The following MAF variants were observed in gnomAD, a reference collection of about 807,000 sequenced individuals.
MAF encodes the protein MAF bZIP transcription factor.
Under a neutral mutation model 22.0 loss-of-function variants are expected in MAF, and 10 were observed. That is an observed-to-expected ratio of 0.45 (90% CI 0.28 to 0.77). The LOEUF (loss-of-function observed/expected upper bound fraction) is 0.77, where lower values mean the gene tolerates loss of function less well. Ranked by LOEUF, MAF falls within the 30% of genes least tolerant of loss-of-function variation. The pLI, the probability that MAF is intolerant of heterozygous loss-of-function variation, is 0.12. For synonymous variants in MAF, 337 were observed against 255.8 expected, an observed-to-expected ratio of 1.32 and a Z score of -3.03; for missense variants, 544 against 548.4, an observed-to-expected ratio of 0.99 and a Z score of 0.08.
the MAF span, among the ~76,000 whole-genome samples, chr16:79,482,320 G>C: frequency 6.6e-6 from 1 of 152,090 alleles, no homozygotes; most frequent in South Asian, 2.1e-4. Context: ...GAAGTGTGGA[G>C]AGCAAAGCTT....
At chr16:79,409,982 G>C in the MAF span, among the ~76,000 whole-genome samples, 20 of 152,178 alleles carry the variant, frequency 1.3e-4, no homozygotes, top group African/African-American at 4.8e-4. Context: ...CTCTATATTT[G>C]AGTCCTTGTG....
At chr16:79,252,956 C>T in the MAF span, among the ~76,000 whole-genome samples, 17 of 152,154 alleles carry the variant, frequency 1.1e-4, no homozygotes, top group East Asian at 1.9e-4. Flanking sequence ...TTTCTGTGAA[C>T]GTAAAACTGC....
chr16:79,228,592 C>G, the MAF span, among the ~76,000 whole-genome samples: 1 of 152,076 alleles, frequency 6.6e-6, no homozygotes, highest in African/African-American at 2.4e-5. Flanking sequence ...CTCACTGGCT[C>G]ATGCCCTTTT....
the MAF span, among the ~76,000 whole-genome samples, chr16:79,343,720 C>G: frequency 6.6e-6 from 1 of 152,128 alleles, no homozygotes; most frequent in Non-Finnish European, 1.5e-5. Context: ...TTATGTCTCT[C>G]TTTGGATTAT....
chr16:79,358,962 C>A, the MAF span, among the ~76,000 whole-genome samples: 2 of 152,128 alleles, frequency 1.3e-5, no homozygotes, highest in East Asian at 1.9e-4. Context: ...CTTGGGAAGG[C>A]CACAGATTTA....
the MAF span, among the ~76,000 whole-genome samples, chr16:79,208,318 C>T: frequency 6.6e-6 from 1 of 152,102 alleles, no homozygotes; most frequent in Non-Finnish European, 1.5e-5. Context: ...ATAGACACCT[C>T]CCCCGTTTCC....
the MAF span, among the ~76,000 whole-genome samples, chr16:79,544,541 G>A: frequency 5.9e-5 from 9 of 152,080 alleles, no homozygotes; most frequent in East Asian, 5.8e-4. Flanking sequence ...TTGAGAGACC[G>A]AGTTGGGTGG....
chr16:79,293,818 T>C, the MAF span, among the ~76,000 whole-genome samples: 1 of 150,270 alleles, frequency 6.7e-6, no homozygotes, highest in Admixed American at 6.6e-5. Flanking sequence ...CTATAATTTC[T>C]CACTGGCTTC....
the MAF span, among the ~76,000 whole-genome samples, chr16:79,377,742 A>G: frequency 6.6e-6 from 1 of 152,332 alleles, no homozygotes; most frequent in South Asian, 2.1e-4. Flanking sequence ...AGCTTTCTAC[A>G]TATGGCTAGC....
chr16:79,286,178 T>A, the MAF span, among the ~76,000 whole-genome samples: 6 of 152,366 alleles, frequency 3.9e-5, no homozygotes, highest in East Asian at 1.9e-4. Flanking sequence ...AAAATACTTT[T>A]AAAATACTTT....
At chr16:79,394,075 T>G in the MAF span, among the ~76,000 whole-genome samples, 2 of 152,148 alleles carry the variant, frequency 1.3e-5, no homozygotes, top group Non-Finnish European at 2.9e-5. Context: ...CTTCTAAAGT[T>G]CACGTTCTTC....
At chr16:79,475,335 GAT>G in the MAF span, among the ~76,000 whole-genome samples, 2 of 147,268 alleles carry the variant, frequency 1.4e-5, no homozygotes. Flanking sequence ...TATATATGGA[GAT>G]ATATATATAT....
At chr16:79,521,220 T>C in the MAF span, among the ~76,000 whole-genome samples, 237 of 152,332 alleles carry the variant, frequency 1.6e-3, no homozygotes, top group African/African-American at 5.4e-3. Flanking sequence ...GTACATACTT[T>C]CCCTATTTAC....
At chr16:79,244,219 A>T in the MAF span, among the ~76,000 whole-genome samples, 60 of 152,192 alleles carry the variant, frequency 3.9e-4, no homozygotes, top group Admixed American at 1.1e-3. Flanking sequence ...TGGCCAGGAC[A>T]ATCAGACAAG....
At chr16:79,530,084 T>G in the MAF span, among the ~76,000 whole-genome samples, 16,037 of 152,248 alleles carry the variant, frequency 0.11, 1,021 homozygotes, top group South Asian at 0.16. Flanking sequence ...GATCTCCCCA[T>G]TAGCCCCAAG....
chr16:79,373,567 G>T, the MAF span, among the ~76,000 whole-genome samples: 1 of 151,628 alleles, frequency 6.6e-6, no homozygotes, highest in African/African-American at 2.4e-5. Flanking sequence ...ATTTTTAGTA[G>T]AGACGGGGTT....
the MAF span, among the ~76,000 whole-genome samples, chr16:79,560,222 C>A: frequency 6.6e-6 from 1 of 152,016 alleles, no homozygotes; most frequent in African/African-American, 2.4e-5. Context: ...CTGTACCTGG[C>A]CACCAACAGT....
chr16:79,348,864 G>A, the MAF span, among the ~76,000 whole-genome samples: 1 of 152,196 alleles, frequency 6.6e-6, no homozygotes, highest in African/African-American at 2.4e-5. Context: ...AAATGGCAAG[G>A]TCCTGTCTCA....
the MAF span, among the ~76,000 whole-genome samples, chr16:79,497,897 T>C: frequency 5.9e-5 from 9 of 152,204 alleles, no homozygotes; most frequent in African/African-American, 1.4e-4. Flanking sequence ...TATTGACTCA[T>C]GTATTTCACC....
Sources: allele counts gnomAD v4.1 joint callset (sites outside exome capture counted in the v4.1 genomes callset), GRCh38; gene constraint gnomAD v4.1.1; transcripts MANE v1.5; gene names NCBI Gene and HGNC (gene_info 2026-07-23, HGNC 2026-07-21).